PLD1: variants seen among roughly 807,000 people sequenced by gnomAD.
The protein encoded by PLD1 is choline phosphatase 1.
A neutral mutation model predicts 137.1 loss-of-function variants in PLD1; 112 were observed. That is an observed-to-expected ratio of 0.82 (90% CI 0.70 to 0.96). The LOEUF (loss-of-function observed/expected upper bound fraction) is 0.96, where lower values mean the gene tolerates loss of function less well. Among genes scored for constraint, PLD1 ranks in the 40% least tolerant of loss-of-function variants. PLD1 has a pLI of 0.00. For missense variants in PLD1, 1,321 were observed against 1,342.0 expected (o/e 0.98, Z 0.24); for synonymous variants, 431 against 454.7 (o/e 0.95, Z 0.66).
Position 171,764,948 on chromosome 3 carries a change from AAG to A in PLD1, c.-31-26868_-31-26867del, listed in dbSNP as rs1560289551. 7.4e-5 allele frequency among the ~76,000 whole-genome samples: 4 copies of A among 54,348 alleles called. 2 individuals are homozygous for A. Among genetic ancestry groups the A allele is most frequent in the African/African-American group, 1.3e-4 (2 of 15,980 alleles). The allele number at this position is 54,348 out of a possible 152,430, so 35.7% of individuals were successfully genotyped here. A position where few individuals can be genotyped will look rare whatever the true frequency, so the allele number is the denominator to read the frequency against. ...AGGAAAGAAAGGAAAGAAAGAAAGA[AAG>A]AAAGAAAGAAAGAAAGAAAGAAAGA... On this transcript the variant is annotated intron_variant, in intron 1 of 26. Transcript: ENST00000351298.
chr3:171,803,569 A>G (rs1259963196), intron 1 of PLD1, among the ~76,000 whole-genome samples: 4 of 152,218 alleles, frequency 2.6e-5, no homozygotes, highest in African/African-American at 7.2e-5. Context: ...GCCTGTATCT[A>G]CTAAAAATAC....
rs6776773 is a variant in PLD1, at chr3:171,803,278, A to G, written c.-32+7121T>C. Among the ~76,000 whole-genome samples, 395 of 152,344 alleles carry G rather than the reference A, an allele frequency of 2.6e-3. 2 individuals are homozygous for G. The highest frequency in any genetic ancestry group is 8.6e-3 in the African/African-American group (359 of 41,578). ...AACTAAGCGTATTCCTTTCTCCCCAACCACATCCCCAAATTCAGAATCACT... is the reference window on the plus strand; with the variant it reads ...AACTAAGCGTATTCCTTTCTCCCCAGCCACATCCCCAAATTCAGAATCACT... On this transcript the variant is annotated intron_variant, in intron 1 of 26. Coordinates refer to ENST00000351298, the MANE Select transcript of PLD1 (RefSeq NM_002662.5).
chr3:171,684,325 C>A (rs1714329133), intron 16 of PLD1, among the ~76,000 whole-genome samples: 3 of 152,176 alleles, frequency 2.0e-5, no homozygotes, highest in South Asian at 4.1e-4. Flanking sequence ...AGTAATAAAG[C>A]AGCAAAGTTA....
intron 22 of PLD1, chr3:171,643,179 C>T (rs1263701441): frequency 1.0e-5 from 3 of 288,066 alleles, no homozygotes; most frequent in South Asian, 5.9e-5. Flanking sequence ...AATGAACTTT[C>T]CCTCTTACAA....
chr3:171,662,984 CAT>C (rs946616302), intron 19 of PLD1, among the ~76,000 whole-genome samples: 28 of 152,202 alleles, frequency 1.8e-4, no homozygotes, highest in Non-Finnish European at 3.1e-4. Context: ...CACTTCATCA[CAT>C]GTGTGTGGCA....
chr3:171,802,204 A>G (rs1446850617), intron 1 of PLD1, among the ~76,000 whole-genome samples: 1 of 152,222 alleles, frequency 6.6e-6, no homozygotes, highest in African/African-American at 2.4e-5. Flanking sequence ...CACCTACTAC[A>G]TGTCAGGAAA....
intron 23 of PLD1, among the ~76,000 whole-genome samples, chr3:171,621,245 G>T (rs1475605654): frequency 3.3e-5 from 5 of 152,088 alleles, no homozygotes; most frequent in Non-Finnish European, 7.4e-5. Flanking sequence ...ATGATAAGAA[G>T]AAATACATTC....
chr3:171,643,353 G>A (rs993330228), intron 22 of PLD1, among the ~76,000 whole-genome samples: 12 of 151,986 alleles, frequency 7.9e-5, no homozygotes, highest in Non-Finnish European at 1.3e-4. Context: ...CACTAAAAAC[G>A]AAAAATATAG....
At chr3:171,770,272 A>G (rs1225246343) in intron 1 of PLD1, among the ~76,000 whole-genome samples, 2 of 152,218 alleles carry the variant, frequency 1.3e-5, no homozygotes, top group Non-Finnish European at 2.9e-5. Context: ...TGAAGACAAA[A>G]TTCAATTGGG....
At chr3:171,641,671 T>A (rs1045612742) in intron 23 of PLD1, among the ~76,000 whole-genome samples, 1 of 152,114 alleles carries the variant, frequency 6.6e-6, no homozygotes, top group Non-Finnish European at 1.5e-5. Context: ...AACTCAGAAT[T>A]AGCTGACACT....
At position 171,674,603 on chromosome 3, in the gene PLD1, G is replaced by A; in HGVS notation, c.2126C>T (p.Ser709Leu). 6.5e-7 allele frequency: 1 copy of A among 1,531,106 alleles called. No individual in the cohort carries two copies. Among genetic ancestry groups the A allele is most frequent in the East Asian group, 2.3e-5 (1 of 44,398 alleles). 94.8% of individuals were successfully genotyped at this position (1,531,106 alleles called of 1,614,324 possible). Residue 709 changes from serine (S) to leucine (L), a missense_variant, in exon 19 of 27, where the codon TCA becomes TTA. Ser to Leu is a moderately radical substitution (Grantham distance 145, BLOSUM62 -2). Coordinates refer to ENST00000351298, the MANE Select transcript of PLD1 (RefSeq NM_002662.5). ...QRWNFTKIMK[S>L]KYRSLSYPFL... is the part of the protein sequence containing the mutation. ...AGGATAAGAAAGGGACCGATATTTT[G>A]ATTTCATAATCTAAAATAAAGAAAA...
At chr3:171,649,552 A>G (rs766353670) in intron 21 of PLD1, among the ~76,000 whole-genome samples, 2 of 152,186 alleles carry the variant, frequency 1.3e-5, no homozygotes, top group Non-Finnish European at 2.9e-5. Flanking sequence ...TCCTCACAAC[A>G]TGGGGGTTGT....
chr3:171,788,204 A>T (rs12634181), intron 1 of PLD1, among the ~76,000 whole-genome samples: 40,564 of 148,078 alleles, frequency 0.27, 6,191 homozygotes, highest in Admixed American at 0.34. Flanking sequence ...AAAAAAAAAA[A>T]AATAATAATA....
At chr3:171,659,856 T>C (rs1417691580) in intron 20 of PLD1, among the ~76,000 whole-genome samples, 1 of 152,226 alleles carries the variant, frequency 6.6e-6, no homozygotes, top group Non-Finnish European at 1.5e-5. Context: ...GCCTCAACTC[T>C]CTTTTGTATG....
chr3:171,735,521 G>A lies in PLD1; in HGVS notation c.405C>T (p.Ala135=), dbSNP rs1449341770. The part of the protein sequence containing the change: ...EFHRELLKYK[A]FIRIPIPTRR... ...TAGTGGGAATGGGGATGCGGATAAA[G>A]GCTTTGTACTTGAGCAGCTCTCTGT... is the stretch of plus-strand genomic sequence containing the variant. Residue 135 remains alanine (A), a synonymous_variant, in exon 4 of 27, where the codon GCC becomes GCT. Coordinates refer to ENST00000351298, the MANE Select transcript of PLD1 (RefSeq NM_002662.5). The A allele has an allele frequency of 6.2e-7, 1 of 1,613,576 alleles. No individual in the cohort carries two copies. Among genetic ancestry groups the A allele is most frequent in the Admixed American group, 1.7e-5 (1 of 60,028 alleles).
At chr3:171,645,883 C>CAAAAAAAAAAAAAAAAAA in intron 21 of PLD1, among the ~76,000 whole-genome samples, 1 of 59,204 alleles carries the variant, frequency 1.7e-5, no homozygotes, top group Non-Finnish European at 3.4e-5. Context: ...GACTCCATCT[C>CAAAAAAAAAAAAAAAAAA]AAAAAAAAAA....
rs183029835 is a variant in PLD1, at chr3:171,687,466, T to C, written c.1658A>G (p.Lys553Arg). 210 of 1,614,142 alleles carry C rather than the reference T, an allele frequency of 1.3e-4. 4 individuals are homozygous for C. The East Asian group carries it at 2.8e-3, about 22-fold the overall frequency. The change falls in exon 15 of 27, where the codon AAG becomes AGG. Residue 553 changes from lysine (K) to arginine (R), a missense_variant. Physicochemically the swap from Lys to Arg is conservative, Grantham distance 26 (BLOSUM62 2). Coordinates refer to ENST00000351298, the MANE Select transcript of PLD1 (RefSeq NM_002662.5). ...ACTAAATTTGGAGAACTTTCTTGGC[T>C]TTCCTATTCCTTTCAGTTTTGAATC... ...DVDSKLKGIGKPRKFSKFSLY... is the reference protein window; with the variant it reads ...DVDSKLKGIGRPRKFSKFSLY...
intron 1 of PLD1, chr3:171,771,306 TGA>T (rs1722337072): frequency 6.6e-6 from 1 of 152,298 alleles, no homozygotes; most frequent in Non-Finnish European, 1.5e-5. Flanking sequence ...TCGACTACCC[TGA>T]GAATCCAAAT....
chr3:171,740,654 C>A (rs910145720), intron 1 of PLD1, among the ~76,000 whole-genome samples: 1 of 151,956 alleles, frequency 6.6e-6, no homozygotes, highest in Admixed American at 6.5e-5. Flanking sequence ...GTTACAGAGC[C>A]AATGCACCAA....
Sources: allele counts gnomAD v4.1 joint callset (sites outside exome capture counted in the v4.1 genomes callset), GRCh38; gene constraint gnomAD v4.1.1; transcripts MANE v1.5; gene names NCBI Gene and HGNC (gene_info 2026-07-23, HGNC 2026-07-21).